ADGRD1: variants seen among roughly 807,000 people sequenced by gnomAD.
ADGRD1 encodes the protein G-protein coupled receptor 133.
ADGRD1 carries 77 observed loss-of-function variants against 113.4 expected under a neutral mutation model. The observed-to-expected ratio is 0.68, with a 90% confidence interval of 0.57 to 0.82. ADGRD1 has a LOEUF of 0.82. Ranked by LOEUF, ADGRD1 falls within the 40% of genes least tolerant of loss-of-function variation. The probability of loss-of-function intolerance (pLI) is 0.00; values close to 1 mark genes in which losing one functional copy is unlikely to be tolerated. For missense variants in ADGRD1, 1,036 were observed against 1,139.1 expected (o/e 0.91, Z 1.30); for synonymous variants, 474 against 475.0 (o/e 1.00, Z 0.03).
At chr12:131,114,062 T>C (rs1421687382) in intron 18 of ADGRD1, among the ~76,000 whole-genome samples, 2 of 152,178 alleles carry the variant, frequency 1.3e-5, no homozygotes, top group East Asian at 3.9e-4. Context: ...ACGAAAAGTG[T>C]CTGCAGGATT....
intron 13 of ADGRD1, among the ~76,000 whole-genome samples, chr12:131,053,844 C>A: frequency 6.6e-6 from 1 of 152,198 alleles, no homozygotes; most frequent in East Asian, 1.9e-4. Flanking sequence ...TCCAGAGCAG[C>A]ACCGATAGCC....
At chr12:131,016,190 CAG>C (rs1476267834) in intron 13 of ADGRD1, among the ~76,000 whole-genome samples, 1 of 152,238 alleles carries the variant, frequency 6.6e-6, no homozygotes, top group Admixed American at 6.5e-5. Flanking sequence ...TGTATTAGCA[CAG>C]AGTCTCAGCT....
At chr12:131,133,840 C>G (rs1951000037) in intron 21 of ADGRD1, among the ~76,000 whole-genome samples, 1 of 152,176 alleles carries the variant, frequency 6.6e-6, no homozygotes, top group African/African-American at 2.4e-5. Context: ...GGAAGCTTCC[C>G]CAGCACCTTG....
At chr12:131,017,405 C>G (rs905450755) in intron 13 of ADGRD1, among the ~76,000 whole-genome samples, 5 of 146,528 alleles carry the variant, frequency 3.4e-5, no homozygotes, top group Non-Finnish European at 7.5e-5. Context: ...TACACTCAGT[C>G]CACACACAGT....
At chr12:131,114,064 T>A (rs1366756835) in intron 18 of ADGRD1, among the ~76,000 whole-genome samples, 1 of 152,180 alleles carries the variant, frequency 6.6e-6, no homozygotes, top group African/African-American at 2.4e-5. Context: ...GAAAAGTGTC[T>A]GCAGGATTTG....
intron 21 of ADGRD1, among the ~76,000 whole-genome samples, chr12:131,133,684 T>C (rs1950995054): frequency 6.6e-6 from 1 of 152,192 alleles, no homozygotes; most frequent in African/African-American, 2.4e-5. Context: ...CTTCAGCTCC[T>C]CTCCTTTGGG....
intron 15 of ADGRD1, among the ~76,000 whole-genome samples, chr12:131,097,184 C>T (rs1228491601): frequency 1.3e-5 from 2 of 151,868 alleles, no homozygotes; most frequent in Non-Finnish European, 2.9e-5. Flanking sequence ...TTTCTGTTTT[C>T]CCAGATGGCC....
At chr12:131,010,867 T>C (rs1465374095) in intron 12 of ADGRD1, among the ~76,000 whole-genome samples, 1 of 152,028 alleles carries the variant, frequency 6.6e-6, no homozygotes, top group Non-Finnish European at 1.5e-5. Flanking sequence ...CGGGCAGAGA[T>C]GGAGGGGCCC....
chr12:131,094,830 C>T (rs35670200), intron 15 of ADGRD1, among the ~76,000 whole-genome samples: 11,788 of 152,304 alleles, frequency 0.077, 520 homozygotes, highest in Middle Eastern at 0.11. Flanking sequence ...TGTTCCCGCC[C>T]CGCCTTACAG....
At chr12:131,006,104 GC>G in intron 12 of ADGRD1, 57 bp downstream of exon 12, 1 of 1,441,892 alleles carries the variant, frequency 6.9e-7, no homozygotes, top group Non-Finnish European at 9.7e-7. Context: ...TTGCTGGGTG[GC>G]TGGCCACAGG....
chr12:131,067,142 A>G (rs1727335), intron 13 of ADGRD1, among the ~76,000 whole-genome samples: 2 of 152,134 alleles, frequency 1.3e-5, no homozygotes, highest in African/African-American at 4.8e-5. Context: ...CAGAGTGGCC[A>G]CTAACTGACA....
chr12:131,075,360 G>A lies in ADGRD1; in HGVS notation c.1474-1441G>A, dbSNP rs1222913052. On this transcript the variant is annotated intron_variant, in intron 13 of 24. Transcript: ENST00000261654. This position sits in a 1 kb window ranked among gnomAD's most constrained non-coding sequence, Gnocchi z 5.3. ...GCAGTTTTCCTGCTGATGCCCCTCT[G>A]TGGTCCTGGTGGCTGCAGGACACAG... Among the ~76,000 whole-genome samples, 2 of 151,982 alleles carry A rather than the reference G, an allele frequency of 1.3e-5. No homozygotes were observed. Among genetic ancestry groups the A allele is most frequent in the East Asian group, 3.9e-4 (2 of 5,154 alleles).
chr12:131,063,100 A>AT (rs1181216241), intron 13 of ADGRD1, among the ~76,000 whole-genome samples: 1 of 152,128 alleles, frequency 6.6e-6, no homozygotes, highest in Non-Finnish European at 1.5e-5. Flanking sequence ...TTATCATTGA[A>AT]TTTTAAGAAT....
At chr12:131,021,548 G>A (rs1195902) in intron 13 of ADGRD1, among the ~76,000 whole-genome samples, 91,706 of 151,864 alleles carry the variant, frequency 0.6, 28,237 homozygotes, top group East Asian at 0.78. Flanking sequence ...GCTACCAAGC[G>A]AGAGACATTT....
At chr12:130,986,857 G>A (rs1338296544) in intron 5 of ADGRD1, 2 of 508,388 alleles carry the variant, frequency 3.9e-6, no homozygotes, top group Non-Finnish European at 7.0e-6. Context: ...AAAATAACAA[G>A]GAGTCTCCTT....
At chr12:131,030,945 T>C (rs1184703243) in intron 13 of ADGRD1, among the ~76,000 whole-genome samples, 1 of 152,178 alleles carries the variant, frequency 6.6e-6, no homozygotes, top group Non-Finnish European at 1.5e-5. Flanking sequence ...TCTGTCACAA[T>C]GTGCAGTGTG....
chr12:131,094,054 AGCACCCAGCCTCG>A (rs1391946431), intron 15 of ADGRD1, among the ~76,000 whole-genome samples: 11 of 147,374 alleles, frequency 7.5e-5, no homozygotes, highest in South Asian at 2.2e-4. Context: ...CCCCAGCCTC[AGCACCCAGCCTCG>A]GCACCCAGCC....
chr12:131,110,052 A>G (rs1950316765), intron 18 of ADGRD1, among the ~76,000 whole-genome samples: 1 of 152,242 alleles, frequency 6.6e-6, no homozygotes, highest in Non-Finnish European at 1.5e-5. Context: ...CAGAGCATAT[A>G]TATTTTCCAT....
chr12:130,963,280 A>C (rs1450454681), intron 2 of ADGRD1, among the ~76,000 whole-genome samples: 6 of 133,018 alleles, frequency 4.5e-5, no homozygotes, highest in African/African-American at 5.6e-5. Flanking sequence ...AGATCGCGCC[A>C]CTGCACTCCA....
Sources: gnomAD v4.1 joint callset for allele counts (sites outside exome capture counted in the v4.1 genomes callset) on GRCh38, gnomAD v4.1.1 for gene constraint, Gnocchi (gnomAD v3.1) non-coding constraint, MANE v1.5 for transcripts, NCBI Gene and HGNC (gene_info 2026-07-23, HGNC 2026-07-21) for gene names.